The following UBAP2 variants were observed in gnomAD, a reference collection of about 807,000 sequenced individuals.
UBAP2 encodes ubiquitin-associated protein 2.
In UBAP2, 75 loss-of-function variants were observed where a neutral mutation model predicts 139.6. That is an observed-to-expected ratio of 0.54 (90% CI 0.45 to 0.65). The LOEUF is 0.65. UBAP2 is among the 30% of genes least tolerant of loss of function. The probability of loss-of-function intolerance (pLI) is 0.00; values close to 1 mark genes in which losing one functional copy is unlikely to be tolerated. For synonymous variants in UBAP2, 526 were observed against 526.2 expected, an observed-to-expected ratio of 1.00 and a Z score of 0.01; for missense variants, 1,368 against 1,369.6, an observed-to-expected ratio of 1.00 and a Z score of 0.02.
chr9:33,988,848 G>A, intron 5 of UBAP2, 125 bp downstream of exon 5: 1 of 1,082,356 alleles, frequency 9.2e-7, no homozygotes. Context: ...TGGAAACTAA[G>A]AAAAAATTTG....
intron 5 of UBAP2, among the ~76,000 whole-genome samples, chr9:33,987,237 C>G (rs751686185): frequency 6.6e-6 from 1 of 151,976 alleles, no homozygotes; most frequent in Non-Finnish European, 1.5e-5. Flanking sequence ...ACACGGAAAC[C>G]CTGTCTCTAC....
intron 5 of UBAP2, 46 bp downstream of exon 5, chr9:33,988,927 T>C (rs1317612868): frequency 6.3e-7 from 1 of 1,577,370 alleles, no homozygotes; most frequent in African/African-American, 1.4e-5. Context: ...GGAGGGTCAC[T>C]TGAGATGAAA....
intron 1 of UBAP2, among the ~76,000 whole-genome samples, chr9:34,047,925 TA>T (rs954003809): frequency 1.8e-4 from 27 of 152,148 alleles, no homozygotes; most frequent in African/African-American, 5.3e-4. Context: ...GAATGTGAGG[TA>T]AAAACAATAT....
intron 2 of UBAP2, among the ~76,000 whole-genome samples, chr9:34,016,332 G>A (rs1175955681): frequency 7.6e-6 from 1 of 131,312 alleles, no homozygotes; most frequent in East Asian, 2.3e-4. Context: ...AGGAAGAGGA[G>A]GAGGAGGAAG....
intron 8 of UBAP2, chr9:33,968,045 C>G: frequency 2.4e-6 from 1 of 425,096 alleles, no homozygotes. Flanking sequence ...AATCCAGTAT[C>G]CATTGATTTC....
intron 4 of UBAP2, among the ~76,000 whole-genome samples, chr9:33,990,574 G>A (rs1821615208): frequency 1.3e-5 from 2 of 151,860 alleles, no homozygotes; most frequent in African/African-American, 4.8e-5. Flanking sequence ...TTATCATACA[G>A]TTCTGGTGAG....
intron 6 of UBAP2, among the ~76,000 whole-genome samples, chr9:33,973,902 T>C (rs1188997516): frequency 6.6e-6 from 1 of 152,204 alleles, no homozygotes; most frequent in Non-Finnish European, 1.5e-5. Flanking sequence ...AAATGGACTT[T>C]ATGAAAATTA....
chr9:33,976,008 G>A (rs143176847), intron 6 of UBAP2, among the ~76,000 whole-genome samples: 20 of 152,050 alleles, frequency 1.3e-4, no homozygotes, highest in Admixed American at 4.6e-4. Context: ...TTGAGGCCAG[G>A]AGTTCAAAAC....
At chr9:34,012,342 C>T (rs1823824456) in intron 2 of UBAP2, among the ~76,000 whole-genome samples, 1 of 152,088 alleles carries the variant, frequency 6.6e-6, no homozygotes, top group East Asian at 1.9e-4. Context: ...AGCAGCCTGG[C>T]CAACATGGCG....
intron 6 of UBAP2, among the ~76,000 whole-genome samples, chr9:33,982,745 T>G (rs903490255): frequency 6.6e-6 from 1 of 152,220 alleles, no homozygotes; most frequent in Non-Finnish European, 1.5e-5. Context: ...TTTTATTTAT[T>G]TGGGGTTTAT....
intron 2 of UBAP2, among the ~76,000 whole-genome samples, chr9:34,001,339 G>A (rs1466913910): frequency 6.6e-6 from 1 of 152,208 alleles, no homozygotes; most frequent in African/African-American, 2.4e-5. Flanking sequence ...AAAGAAGGTT[G>A]GGAGTTTTAT....
chr9:34,032,738 A>T (rs1345754255), intron 1 of UBAP2, among the ~76,000 whole-genome samples: 1 of 152,080 alleles, frequency 6.6e-6, no homozygotes, highest in Non-Finnish European at 1.5e-5. Flanking sequence ...AGCCTGGCCA[A>T]CATGTCAAAA....
chr9:33,975,432 T>TAAA (rs770473072), intron 6 of UBAP2, among the ~76,000 whole-genome samples: 5 of 118,190 alleles, frequency 4.2e-5, no homozygotes, highest in Admixed American at 8.6e-5. Flanking sequence ...GCTCTATCTT[T>TAAA]AAAAAAAAAA....
In UBAP2 at chr9:33,927,788, A is replaced by T; in HGVS notation, c.2371+9T>A. ...AGGGGTGGGCAGGAAAGGCCTCTGG[A>T]GCAAATACCTGAGGTCACCAAGGGC... On this transcript the variant is annotated intron_variant, in intron 20 of 28. Coordinates refer to ENST00000379238, the MANE Select transcript of UBAP2 (RefSeq NM_001370062.2). The T allele has an allele frequency of 6.2e-7, 1 of 1,601,984 alleles. No individual in the cohort carries two copies. Among genetic ancestry groups the T allele is most frequent in the Non-Finnish European group, 8.5e-7 (1 of 1,175,196 alleles).
At chr9:34,047,719 A>T (rs1311138058) in intron 1 of UBAP2, among the ~76,000 whole-genome samples, 1 of 152,186 alleles carries the variant, frequency 6.6e-6, no homozygotes. Flanking sequence ...CGTGGTGCAC[A>T]CTGTAATCCC....
At chr9:34,009,178 C>A (rs1823522665) in intron 2 of UBAP2, among the ~76,000 whole-genome samples, 1 of 151,664 alleles carries the variant, frequency 6.6e-6, no homozygotes, top group Non-Finnish European at 1.5e-5. Flanking sequence ...CGGCTCACTG[C>A]AACCTCTGCC....
chr9:33,986,704 C>T, intron 6 of UBAP2, 56 bp downstream of exon 6: 1 of 1,452,498 alleles, frequency 6.9e-7, no homozygotes, highest in Non-Finnish European at 9.7e-7. Context: ...AGCAACGCAA[C>T]TGCCTGCTTC....
rs1254185727 is a variant in UBAP2, at chr9:33,969,551, T to A, written c.679+2100A>T. Among the ~76,000 whole-genome samples the A allele has an allele frequency of 6.4e-5, 9 of 140,686 alleles. No homozygotes were observed. In the South Asian group the frequency reaches 8.8e-4, roughly 14 times the overall value. The allele number at this position is 140,686 out of a possible 152,430, so 92.3% of individuals were successfully genotyped here. A position where few individuals can be genotyped will look rare whatever the true frequency, so the allele number is the denominator to read the frequency against. ...ACAACAGAGTGAGATGCTCTCTCTTTAAAAAAAAAAAAAGAAAGAAAGAAA... is the reference window on the plus strand; with the variant it reads ...ACAACAGAGTGAGATGCTCTCTCTTAAAAAAAAAAAAAAGAAAGAAAGAAA... On this transcript the variant is annotated intron_variant, in intron 8 of 28. Transcript: ENST00000379238.
intron 3 of UBAP2, chr9:33,997,087 G>A (rs1219830481): frequency 1.3e-5 from 2 of 152,082 alleles, no homozygotes; most frequent in Non-Finnish European, 1.5e-5. Flanking sequence ...TAAGTTATAT[G>A]ACACCCTAAA....
Sources: gnomAD v4.1 joint callset for allele counts (sites outside exome capture counted in the v4.1 genomes callset) on GRCh38, gnomAD v4.1.1 for gene constraint, MANE v1.5 for transcripts, NCBI Gene and HGNC (gene_info 2026-07-23, HGNC 2026-07-21) for gene names.